ZNF385D: variants seen among roughly 807,000 people sequenced by gnomAD.
The protein encoded by ZNF385D is zinc finger protein 659.
A neutral mutation model predicts 35.8 loss-of-function variants in ZNF385D; 15 were observed. The ratio of observed to expected loss-of-function variants is 0.42; its 90% CI spans 0.28 to 0.64. The LOEUF is 0.64. Ranked by LOEUF, ZNF385D falls within the 30% of genes least tolerant of loss-of-function variation. ZNF385D has a pLI of 0.23. For missense variants in ZNF385D, 474 were observed against 494.6 expected, an observed-to-expected ratio of 0.96 and a Z score of 0.39; for synonymous variants, 212 against 186.8, an observed-to-expected ratio of 1.13 and a Z score of -1.10.
intron 2 of ZNF385D, among the ~76,000 whole-genome samples, chr3:22,222,585 G>A (rs1028633492): frequency 6.6e-6 from 1 of 152,124 alleles, no homozygotes; most frequent in African/African-American, 2.4e-5. Context: ...ACAGGAACTA[G>A]CAGGACAATG....
At chr3:22,164,207 A>AAAGGAGCAC (rs1706156503) in intron 3 of ZNF385D, among the ~76,000 whole-genome samples, 1 of 129,636 alleles carries the variant, frequency 7.7e-6, no homozygotes, top group African/African-American at 2.9e-5. Context: ...AGGTAATACA[A>AAAGGAGCAC]AAGGAGCACT....
chr3:22,148,485 T>C (rs1241721327), intron 3 of ZNF385D, among the ~76,000 whole-genome samples: 5 of 152,140 alleles, frequency 3.3e-5, no homozygotes, highest in Admixed American at 3.3e-4. Context: ...CCAGCCACAG[T>C]TTAAAAATAA....
intron 3 of ZNF385D, chr3:21,978,259 A>C (rs892410306): frequency 1.3e-5 from 2 of 152,186 alleles, no homozygotes; most frequent in Non-Finnish European, 2.9e-5. Flanking sequence ...TTTGTTGCAA[A>C]TGTACATTCA....
chr3:22,105,642 G>C lies in ZNF385D; in HGVS notation c.325+63175C>G, dbSNP rs1702171127. Among the ~76,000 whole-genome samples, 5 of 152,168 alleles carry C rather than the reference G, an allele frequency of 3.3e-5. No individual in the cohort carries two copies. In the South Asian group the frequency reaches 1.0e-3, roughly 32 times the overall value. On this transcript the variant is annotated intron_variant, in intron 3 of 5. Coordinates refer to the ZNF385D transcript ENST00000494108. ...TGAGAACCAGGACCACCAAGGGCAA[G>C]AGATGACAGATGTCCTGGCCCAACC...
chr3:21,973,440 T>A (rs4566559), intron 3 of ZNF385D, among the ~76,000 whole-genome samples: 2 of 151,832 alleles, frequency 1.3e-5, no homozygotes, highest in Admixed American at 6.6e-5. Context: ...AAGTCATATA[T>A]GACAGACTCA....
chr3:21,941,036 C>A lies in ZNF385D; in HGVS notation c.325+227781G>T, dbSNP rs572562507. Among the ~76,000 whole-genome samples the A allele has an allele frequency of 6.6e-5, 10 of 152,218 alleles. No individual in the cohort carries two copies. In the East Asian group the frequency reaches 1.4e-3, roughly 21 times the overall value. On this transcript the variant is annotated intron_variant, in intron 3 of 5. Coordinates refer to the ZNF385D transcript ENST00000494108. ...AATAAAGATCAATGAGGGACAAAAG[C>A]AAATTATCTTGGAAAGTGTGATTCC...
intron 3 of ZNF385D, among the ~76,000 whole-genome samples, chr3:21,956,799 C>T (rs889734389): frequency 2.6e-5 from 4 of 151,562 alleles, no homozygotes; most frequent in African/African-American, 9.7e-5. Flanking sequence ...AGACCTTCAA[C>T]AAAAGCATTC....
rs574551953 is a variant in ZNF385D at position 21,988,026 on chromosome 3, C to T, written c.325+180791G>A. On this transcript the variant is annotated intron_variant, in intron 3 of 5. Coordinates refer to the ZNF385D transcript ENST00000494108. ...CCTTGGTTTTCAGCTCCATCAGCTC[C>T]TTTAAGCACTTCTCTGTAGTGGTTA... 2.6e-3 allele frequency among the ~76,000 whole-genome samples: 373 copies of T among 144,766 alleles called. 7 individuals carry two copies. The highest frequency in any genetic ancestry group is 8.8e-3 in the African/African-American group (354 of 40,274). The allele number at this position is 144,766 out of a possible 152,430, so 95.0% of individuals were successfully genotyped here.
chr3:21,582,961 A>G (rs1271653336), intron 2 of ZNF385D, among the ~76,000 whole-genome samples: 2 of 152,136 alleles, frequency 1.3e-5, no homozygotes, highest in East Asian at 1.9e-4. Flanking sequence ...TATTTTTAGT[A>G]GAGACCGTGT....
chr3:21,756,964 G>A (rs974195625), intron 3 of ZNF385D, among the ~76,000 whole-genome samples: 23 of 151,992 alleles, frequency 1.5e-4, no homozygotes, highest in African/African-American at 5.3e-4. Context: ...CTTACTTGAT[G>A]TTTCCATACA....
chr3:21,708,733 T>C (rs1162015421), intron 1 of ZNF385D, among the ~76,000 whole-genome samples: 1 of 152,208 alleles, frequency 6.6e-6, no homozygotes, highest in Admixed American at 6.5e-5. Flanking sequence ...TCAACTTTCA[T>C]AAAGCAATAC....
intron 3 of ZNF385D, among the ~76,000 whole-genome samples, chr3:21,967,101 G>T (rs186574052): frequency 6.6e-6 from 1 of 152,260 alleles, no homozygotes; most frequent in East Asian, 1.9e-4. Context: ...CAAAGAAAAT[G>T]TTTACCTTTA....
intron 2 of ZNF385D, among the ~76,000 whole-genome samples, chr3:22,319,818 G>A (rs1447022181): frequency 6.6e-6 from 1 of 151,946 alleles, no homozygotes; most frequent in Non-Finnish European, 1.5e-5. Context: ...GGCTGAAAGG[G>A]GTTGACTTTG....
chr3:21,475,949 A>G (rs1016073702), intron 4 of ZNF385D, among the ~76,000 whole-genome samples: 3 of 151,002 alleles, frequency 2.0e-5, no homozygotes, highest in Non-Finnish European at 3.0e-5. Flanking sequence ...GTGTATCTCT[A>G]TGTATTTTGC....
chr3:21,778,481 A>C (rs1559613696), intron 3 of ZNF385D, among the ~76,000 whole-genome samples: 3 of 151,848 alleles, frequency 2.0e-5, no homozygotes, highest in Non-Finnish European at 2.9e-5. Flanking sequence ...ACATCGAAGC[A>C]CCCTGTAGTC....
At chr3:22,344,177 G>GGTGGGGTGTGTGTGT (rs1553652923) in intron 2 of ZNF385D, among the ~76,000 whole-genome samples, 3 of 140,756 alleles carry the variant, frequency 2.1e-5, no homozygotes, top group African/African-American at 8.1e-5. Flanking sequence ...GGTGGGGTGG[G>GGTGGGGTGTGTGTGT]GTGTGTGTGT....
At chr3:21,606,441 C>G (rs1330016758) in intron 2 of ZNF385D, among the ~76,000 whole-genome samples, 1 of 152,182 alleles carries the variant, frequency 6.6e-6, no homozygotes, top group Admixed American at 6.5e-5. Flanking sequence ...ATATGAAATA[C>G]TATACATTTG....
chr3:21,558,809 A>G (rs2062834152), intron 3 of ZNF385D, among the ~76,000 whole-genome samples: 1 of 152,126 alleles, frequency 6.6e-6, no homozygotes. Flanking sequence ...AACTTGCTTT[A>G]TGAATCTGGA....
At chr3:21,926,266 T>C (rs1024501382) in intron 3 of ZNF385D, among the ~76,000 whole-genome samples, 4 of 151,758 alleles carry the variant, frequency 2.6e-5, no homozygotes, top group Middle Eastern at 3.2e-3. Context: ...GTATTTCTCC[T>C]AATGCTATCC....
Sources: allele counts gnomAD v4.1 joint callset (sites outside exome capture counted in the v4.1 genomes callset), GRCh38; gene constraint gnomAD v4.1.1; transcripts MANE v1.5; gene names NCBI Gene and HGNC (gene_info 2026-07-23, HGNC 2026-07-21).